PSG3: variants seen among roughly 807,000 people sequenced by gnomAD.
PSG3 encodes the protein pregnancy-specific beta-1-glycoprotein 3.
In PSG3, 61 loss-of-function variants were observed where a neutral mutation model predicts 47.5. That is an observed-to-expected ratio of 1.28 (90% CI 1.05 to 1.59). The LOEUF is 1.59. Among genes scored for constraint, PSG3 ranks in the 40% most tolerant of loss-of-function variants. PSG3 has a pLI of 0.00. For missense variants in PSG3, 756 were observed against 524.0 expected, an observed-to-expected ratio of 1.44 and a Z score of -4.32; for synonymous variants, 263 against 198.4, an observed-to-expected ratio of 1.33 and a Z score of -2.74.
intron 6 of PSG3, 78 bp downstream of exon 6, chr19:42,723,864 G>T (rs768358697): frequency 1.4e-5 from 16 of 1,167,542 alleles, no homozygotes; most frequent in Non-Finnish European, 1.9e-5. Flanking sequence ...CCCAGATACA[G>T]GCAAATAAGT....
chr19:42,722,495 C>G (rs1049281242), intron 6 of PSG3, among the ~76,000 whole-genome samples: 2 of 152,154 alleles, frequency 1.3e-5, no homozygotes, highest in African/African-American at 2.4e-5. Flanking sequence ...ACCTTGTGAT[C>G]CGCCCACCTC....
At chr19:42,733,345 C>A in intron 2 of PSG3, 1 of 524,726 alleles carries the variant, frequency 1.9e-6, no homozygotes, top group Non-Finnish European at 3.1e-6. Flanking sequence ...GCCCCTGGTG[C>A]CTCTCTGAGT....
chr19:42,727,652 G>C (rs1969398559), intron 5 of PSG3, among the ~76,000 whole-genome samples: 1 of 152,202 alleles, frequency 6.6e-6, no homozygotes, highest in Non-Finnish European at 1.5e-5. Flanking sequence ...GGAAAAATTG[G>C]AGCTCTAGTG....
intron 2 of PSG3, 80 bp from the exon 3 acceptor site, chr19:42,733,142 T>A (rs1429273967): frequency 6.4e-7 from 1 of 1,552,914 alleles, no homozygotes; most frequent in Non-Finnish European, 8.7e-7. Context: ...AGAGTTGGCA[T>A]TTCCCACCTC....
At chr19:42,725,684 C>T (rs928186072) in intron 5 of PSG3, among the ~76,000 whole-genome samples, 6 of 151,902 alleles carry the variant, frequency 3.9e-5, no homozygotes, top group South Asian at 2.1e-4. Flanking sequence ...CCTGGGGAGA[C>T]CCTGTCTCTA....
Position 42,729,795 on chromosome 19 carries a change from A to G in PSG3, c.971T>C (p.Val324Ala), listed in dbSNP as rs769304875. 1 of 1,612,954 alleles carries G rather than the reference A, an allele frequency of 6.2e-7. No individual in the cohort carries two copies. Among genetic ancestry groups the G allele is most frequent in the Non-Finnish European group, 8.5e-7 (1 of 1,179,640 alleles). ...ATACTCACAGAGGACATTCAGGGTG[A>G]CTGGGTAACTGCGGATGCCACCATA... ...DRYGGIRSYP[V>A]TLNVLYGPDL... Residue 324 changes from valine to alanine, a missense_variant, in exon 4 of 7, where the codon GTC (valine) becomes GCC (alanine). Physicochemically the swap from Val to Ala is moderately conservative, Grantham distance 64. Transcript: ENST00000327495.
At position 42,729,151 on chromosome 19, in the gene PSG3, G is replaced by T. The variant is rs753058862; in HGVS notation, c.1215C>A (p.Ser405Arg). 35 of 1,614,006 alleles carry T rather than the reference G, an allele frequency of 2.2e-5. No homozygotes were observed. The highest frequency in any genetic ancestry group is 3.0e-5 in the Non-Finnish European group (35 of 1,179,864). Residue 405 changes from serine to arginine, a missense_variant, in exon 5 of 7, where the codon AGC becomes AGA. Ser to Arg is a moderately radical substitution (Grantham distance 110). Coordinates refer to ENST00000327495, the MANE Select transcript of PSG3 (RefSeq NM_021016.4). The part of the protein sequence containing the change: ...SVRNSATGME[S>R]SKSMTVKVSA... ...AGACTTTGACTGTCATGGATTTGGA[G>T]CTTTCCATGCCAGTGGCTGAGTTAC...
In PSG3 at chr19:42,721,981, C is replaced by T. The variant is rs180709153; in HGVS notation, c.*150G>A. The T allele has an allele frequency of 1.9e-5, 8 of 416,838 alleles. No individual in the cohort carries two copies. The highest frequency in any genetic ancestry group is 1.2e-4 in the African/African-American group (6 of 48,806). The allele number at this position is 416,838 out of a possible 1,614,324, so 25.8% of individuals were successfully genotyped here. A position where few individuals can be genotyped will look rare whatever the true frequency, so the allele number is the denominator to read the frequency against. On this transcript the variant is annotated 3_prime_UTR_variant, in exon 7 of 7. Transcript: ENST00000327495. ...GGTATGATCTTGAAGTTATCAGGAA[C>T]TTGTATTCAAGAGTCCTTGTCAGAG... is the stretch of plus-strand genomic sequence containing the variant.
chr19:42,739,432 C>G (rs535985821), intron 1 of PSG3: 1 of 266,770 alleles, frequency 3.7e-6, no homozygotes, highest in African/African-American at 2.2e-5. Context: ...TTCCTGACGC[C>G]TCCTTCAGAG....
At chr19:42,737,220 G>T (rs1037695073) in intron 2 of PSG3, among the ~76,000 whole-genome samples, 2 of 152,134 alleles carry the variant, frequency 1.3e-5, no homozygotes, top group African/African-American at 4.8e-5. Context: ...AAGAGGTAGT[G>T]GGGGGATGAA....
intron 2 of PSG3, among the ~76,000 whole-genome samples, chr19:42,736,688 A>G (rs1169785417): frequency 1.3e-5 from 2 of 149,200 alleles, no homozygotes; most frequent in Non-Finnish European, 2.9e-5. Flanking sequence ...TTGTCTGGCA[A>G]TTATAAGAGT....
intron 5 of PSG3, among the ~76,000 whole-genome samples, chr19:42,725,052 G>T (rs866506304): frequency 2.0e-5 from 3 of 152,044 alleles, no homozygotes; most frequent in Non-Finnish European, 2.9e-5. Flanking sequence ...AAACTTTCCT[G>T]GTGTCATATG....
At chr19:42,732,679 G>A (rs534700444) in intron 3 of PSG3, 105 bp downstream of exon 3, 18 of 1,613,096 alleles carry the variant, frequency 1.1e-5, no homozygotes, top group African/African-American at 4.0e-5. Context: ...ATGTCCAGGG[G>A]TAAAGGTCTC....
chr19:42,730,898 G>T lies in PSG3; in HGVS notation c.710-842C>A, dbSNP rs534107825. 2.9e-3 allele frequency among the ~76,000 whole-genome samples: 446 copies of T among 152,334 alleles called. 4 individuals carry two copies. Among genetic ancestry groups the T allele is most frequent in the African/African-American group, 9.6e-3 (398 of 41,574 alleles). On this transcript the variant is annotated intron_variant, in intron 3 of 6. Transcript: ENST00000327495. ...AAATGCAGCACTGACTGGTGGAAAGGGTGGGAATGAACTGCTGGAAATCTG... is the reference window on the plus strand; with the variant it reads ...AAATGCAGCACTGACTGGTGGAAAGTGTGGGAATGAACTGCTGGAAATCTG...
In PSG3 at chr19:42,723,988, T is replaced by A. The variant is rs1392656336; in HGVS notation, c.1281A>T (p.Pro427=). The A allele has an allele frequency of 6.2e-7, 1 of 1,610,870 alleles. No homozygotes were observed. The highest frequency in any genetic ancestry group is 8.5e-7 in the Non-Finnish European group (1 of 1,177,086). ...SGTGHLPGLN[P]L ...AGAAATGACATCACGGCTGCTATAA[T>A]GGATTAAGGCCAGGAAGATGTCCTG... is the stretch of plus-strand genomic sequence containing the variant. The change falls in exon 6 of 7, where the codon CCA becomes CCT. Residue 427 remains proline, a synonymous_variant. Coordinates refer to ENST00000327495, the MANE Select transcript of PSG3 (RefSeq NM_021016.4).
rs371709630 is a variant in PSG3, at chr19:42,733,028, G to T, written c.465C>A (p.Asn155Lys). 1,024 of 1,614,130 alleles carry T rather than the reference G, an allele frequency of 6.3e-4. 15 individuals are homozygous for T. In the South Asian group the frequency reaches 0.01, roughly 16 times the overall value. ...ETPKPSISSSNLYPREDMEAV... is the reference protein window; with the variant it reads ...ETPKPSISSSKLYPREDMEAV... ...CCTCCATGTCCTCCCTGGGGTATAA[G>T]TTGCTGCTGGAGATGGAGGGCTTGG... The change falls in exon 3 of 7, where the codon AAC becomes AAA. Residue 155 changes from asparagine to lysine, a missense_variant. By Grantham distance (94) the Asn-to-Lys change is moderately conservative. Coordinates refer to ENST00000327495, the MANE Select transcript of PSG3 (RefSeq NM_021016.4).
At chr19:42,739,728 C>T (rs995187606) in intron 1 of PSG3, among the ~76,000 whole-genome samples, 11 of 152,252 alleles carry the variant, frequency 7.2e-5, no homozygotes, top group East Asian at 1.9e-4. Context: ...TCATGCCCTG[C>T]TTATATTTTT....
intron 2 of PSG3, among the ~76,000 whole-genome samples, chr19:42,737,325 C>A (rs1009453495): frequency 5.9e-5 from 9 of 152,104 alleles, no homozygotes; most frequent in African/African-American, 2.2e-4. Context: ...GGTTTTGGAT[C>A]ATTCATTTCT....
chr19:42,722,500 C>G (rs1360344180), intron 6 of PSG3, among the ~76,000 whole-genome samples: 1 of 152,200 alleles, frequency 6.6e-6, no homozygotes, highest in Non-Finnish European at 1.5e-5. Context: ...GTGATCCGCC[C>G]ACCTCGGCCT....
Sources: allele counts gnomAD v4.1 joint callset (sites outside exome capture counted in the v4.1 genomes callset), GRCh38; gene constraint gnomAD v4.1.1; transcripts MANE v1.5; gene names NCBI Gene and HGNC (gene_info 2026-07-23, HGNC 2026-07-21).